The following CCNH variants were observed in gnomAD, a reference collection of about 807,000 sequenced individuals.
CCNH encodes the protein cyclin-H.
Under a neutral mutation model 41.9 loss-of-function variants are expected in CCNH, and 31 were observed. The ratio of observed to expected loss-of-function variants is 0.74; its 90% CI spans 0.56 to 1.00. The LOEUF (loss-of-function observed/expected upper bound fraction) is 1.00, where lower values mean the gene tolerates loss of function less well. Among genes scored for constraint, CCNH ranks in the 50% least tolerant of loss-of-function variants. CCNH has a pLI of 0.00. For missense variants in CCNH, 362 were observed against 388.4 expected (o/e 0.93, Z 0.57); for synonymous variants, 138 against 136.1 (o/e 1.01, Z -0.10).
chr5:87,400,822 G>A (rs936003577), intron 6 of CCNH, among the ~76,000 whole-genome samples: 3 of 152,172 alleles, frequency 2.0e-5, no homozygotes, highest in Non-Finnish European at 4.4e-5. Context: ...TAACCCCAAA[G>A]AGTAGCTTAG....
At chr5:87,368,177 A>C (rs534586969) in intron 9 of CCNH, among the ~76,000 whole-genome samples, 1 of 151,826 alleles carries the variant, frequency 6.6e-6, no homozygotes, top group Non-Finnish European at 1.5e-5. Flanking sequence ...TCTGTTTTTC[A>C]TCCTTTTTCC....
At chr5:87,323,941 TTGTC>T (rs1342258024) in intron 9 of CCNH, among the ~76,000 whole-genome samples, 1 of 152,180 alleles carries the variant, frequency 6.6e-6, no homozygotes, top group East Asian at 1.9e-4. Context: ...GTTGCTTAAT[TTGTC>T]TGTCTTCTCC....
At chr5:87,383,955 T>C (rs1761901392) in intron 9 of CCNH, among the ~76,000 whole-genome samples, 1 of 152,056 alleles carries the variant, frequency 6.6e-6, no homozygotes, top group East Asian at 1.9e-4. Context: ...TTGGGCTTTT[T>C]TCTTTTTGTT....
At chr5:87,386,034 C>T (rs138526861) in intron 9 of CCNH, among the ~76,000 whole-genome samples, 79 of 152,110 alleles carry the variant, frequency 5.2e-4, no homozygotes, top group Non-Finnish European at 9.7e-4. Flanking sequence ...CTATGTGTTA[C>T]AAGATTTCCT....
chr5:87,322,486 C>G (rs1756899222), intron 9 of CCNH, among the ~76,000 whole-genome samples: 1 of 152,194 alleles, frequency 6.6e-6, no homozygotes, highest in African/African-American at 2.4e-5. Context: ...CTAAATCAGT[C>G]AGTCCCTGGT....
rs533958776 is a variant in CCNH, at chr5:87,356,829, G to T, written c.*90+35941C>A. On this transcript the variant is annotated intron_variant and NMD_transcript_variant, in intron 9 of 9. Coordinates refer to the CCNH transcript ENST00000645953. ...TCATATGGCTGGCTTTATTGTGGTGGTCTGGAGCCAAATCTGAAATACCTC... is the reference window on the plus strand; with the variant it reads ...TCATATGGCTGGCTTTATTGTGGTGTTCTGGAGCCAAATCTGAAATACCTC... 2.9e-4 allele frequency among the ~76,000 whole-genome samples: 44 copies of T among 152,278 alleles called. No individual in the cohort carries two copies. In the South Asian group the frequency reaches 7.5e-3, roughly 26 times the overall value.
At chr5:87,374,859 A>T (rs765563274), downstream of CCNH, 1 of 1,609,864 alleles carries the variant, frequency 6.2e-7, no homozygotes, top group South Asian at 1.1e-5. Flanking sequence ...TCCTGACATC[A>T]ATAGATTTGA....
chr5:87,408,596 C>T (rs924543729), intron 3 of CCNH, among the ~76,000 whole-genome samples: 1 of 152,112 alleles, frequency 6.6e-6, no homozygotes, highest in Non-Finnish European at 1.5e-5. Context: ...GTTAAAGGAA[C>T]ATTGTGGAAG....
downstream of CCNH, chr5:87,372,304 C>T: frequency 2.1e-6 from 2 of 961,130 alleles, no homozygotes; most frequent in Non-Finnish European, 1.6e-6. Flanking sequence ...GGGGTTAAGC[C>T]ATGCTGCCAC....
intron 4 of CCNH, among the ~76,000 whole-genome samples, chr5:87,407,765 C>T (rs1027368790): frequency 1.3e-5 from 2 of 151,996 alleles, no homozygotes; most frequent in African/African-American, 4.8e-5. Context: ...CTCTGTAAGT[C>T]CCACCCAACA....
intron 9 of CCNH, chr5:87,362,738 T>A (rs547026544): frequency 6.6e-7 from 1 of 1,519,298 alleles, no homozygotes; most frequent in Middle Eastern, 1.7e-4. Flanking sequence ...TCCGAACTTA[T>A]TGTGATATAT....
At chr5:87,396,994 A>C (rs1763016982) in intron 7 of CCNH, among the ~76,000 whole-genome samples, 1 of 152,214 alleles carries the variant, frequency 6.6e-6, no homozygotes, top group African/African-American at 2.4e-5. Context: ...GACAATGACA[A>C]AACAGTTTTT....
At chr5:87,332,466 G>C in intron 9 of CCNH, 2 of 1,558,958 alleles carry the variant, frequency 1.3e-6, no homozygotes, top group Non-Finnish European at 8.8e-7. Flanking sequence ...AAAATTGGCT[G>C]TAAAGATTTT....
In CCNH at chr5:87,412,895, AGCC is replaced by A; in HGVS notation, c.-104_-102del. On this transcript the variant is annotated 5_prime_UTR_variant, in exon 1 of 9. Coordinates refer to ENST00000256897, the MANE Select transcript of CCNH (RefSeq NM_001239.4). ...GTACCCCCACCGAAGATCTCGCGGA[AGCC>A]TAGGGCGTCCGGCTAGCCGGCGCTG... The A allele has an allele frequency of 6.6e-7, 1 of 1,516,102 alleles. No homozygotes were observed. Among genetic ancestry groups the A allele is most frequent in the South Asian group, 1.2e-5 (1 of 80,400 alleles). The allele number at this position is 1,516,102 out of a possible 1,614,324, so 93.9% of individuals were successfully genotyped here. A position where few individuals can be genotyped will look rare whatever the true frequency, so the allele number is the denominator to read the frequency against.
intron 9 of CCNH, among the ~76,000 whole-genome samples, chr5:87,336,825 C>T (rs140444959): frequency 1.9e-3 from 288 of 152,024 alleles, no homozygotes; most frequent in African/African-American, 6.6e-3. Context: ...TGCCATTCAG[C>T]TAGTGAAATA....
intron 4 of CCNH, among the ~76,000 whole-genome samples, chr5:87,405,533 T>C (rs1294080255): frequency 6.6e-6 from 1 of 152,152 alleles, no homozygotes; most frequent in Non-Finnish European, 1.5e-5. Context: ...AGTCCTCAGA[T>C]ATCCATATGC....
At chr5:87,393,321 T>C (rs1580428751), downstream of CCNH, 1 of 152,180 alleles carries the variant, frequency 6.6e-6, no homozygotes, top group African/African-American at 2.4e-5. Context: ...AAATCTGGCT[T>C]GGTAAACAGA....
At chr5:87,357,761 T>C (rs1483932305) in intron 9 of CCNH, among the ~76,000 whole-genome samples, 1 of 152,226 alleles carries the variant, frequency 6.6e-6, no homozygotes, top group African/African-American at 2.4e-5. Context: ...GTATGTGTTA[T>C]AAGACTGCTT....
chr5:87,342,971 G>A (rs1034037541), intron 9 of CCNH, among the ~76,000 whole-genome samples: 1 of 152,078 alleles, frequency 6.6e-6, no homozygotes, highest in African/African-American at 2.4e-5. Context: ...CTTTTTATCT[G>A]ATAGCATTGT....
Sources: gnomAD v4.1 joint callset for allele counts (sites outside exome capture counted in the v4.1 genomes callset) on GRCh38, gnomAD v4.1.1 for gene constraint, MANE v1.5 for transcripts, NCBI Gene and HGNC (gene_info 2026-07-23, HGNC 2026-07-21) for gene names.